Variants in CFAP61 observed in about 807,000 individuals in gnomAD.
CFAP61 encodes the protein cilia and flagella associated protein 61.
A neutral mutation model predicts 135.6 loss-of-function variants in CFAP61; 107 were observed. The observed-to-expected ratio is 0.79, with a 90% confidence interval of 0.67 to 0.93. The LOEUF is 0.93. Among genes scored for constraint, CFAP61 ranks in the 40% least tolerant of loss-of-function variants. The pLI, the probability that CFAP61 is intolerant of heterozygous loss-of-function variation, is 0.00. For synonymous variants in CFAP61, 575 were observed against 578.5 expected (o/e 0.99, Z 0.09); for missense variants, 1,507 against 1,556.2 (o/e 0.97, Z 0.53).
intron 26 of CFAP61, among the ~76,000 whole-genome samples, chr20:20,350,301 T>C (rs2058785581): frequency 1.3e-5 from 2 of 152,282 alleles, no homozygotes; most frequent in Admixed American, 6.5e-5. Flanking sequence ...AGAATTACCA[T>C]ATGACTCAGC....
chr20:20,356,390 G>A (rs1179040481), intron 26 of CFAP61, among the ~76,000 whole-genome samples: 3 of 144,516 alleles, frequency 2.1e-5, no homozygotes, highest in African/African-American at 7.9e-5. Flanking sequence ...GGTGGTCATA[G>A]TGTGAGGGGA....
chr20:20,248,703 G>A (rs749652535), intron 19 of CFAP61, among the ~76,000 whole-genome samples: 5 of 152,070 alleles, frequency 3.3e-5, no homozygotes, highest in Admixed American at 3.3e-4. Context: ...TTTCCAGCTC[G>A]GAAGAGTCAT....
chr20:20,149,395 T>C (rs1180331076), intron 9 of CFAP61, among the ~76,000 whole-genome samples: 2 of 152,184 alleles, frequency 1.3e-5, no homozygotes, highest in Non-Finnish European at 2.9e-5. Flanking sequence ...AAACAGCATG[T>C]GGAGATTCAC....
At chr20:20,098,844 G>C in intron 8 of CFAP61, 30 bp downstream of exon 8, 1 of 1,592,108 alleles carries the variant, frequency 6.3e-7, no homozygotes, top group Non-Finnish European at 8.6e-7. Context: ...GACACACTGG[G>C]AAATTAAATC....
At chr20:20,199,727 C>G in intron 16 of CFAP61, 41 bp from the exon 17 acceptor site, 2 of 1,611,802 alleles carry the variant, frequency 1.2e-6, no homozygotes, top group East Asian at 4.5e-5. Flanking sequence ...CTGAGCCTCT[C>G]TGACATTCTC....
intron 25 of CFAP61, among the ~76,000 whole-genome samples, chr20:20,303,923 C>G (rs914625900): frequency 6.6e-6 from 1 of 152,304 alleles, no homozygotes; most frequent in East Asian, 1.9e-4. Flanking sequence ...TTCCCCCTAT[C>G]TATTCTCACT....
Position 20,288,658 on chromosome 20 carries a change from C to G in CFAP61, c.2846C>G (p.Ala949Gly). Residue 949 changes from alanine to glycine, a missense_variant, in exon 23 of 27, where the codon GCC becomes GGC. Physicochemically the swap from Ala to Gly is moderately conservative, Grantham distance 60 (BLOSUM62 0). Coordinates refer to ENST00000245957, the MANE Select transcript of CFAP61 (RefSeq NM_015585.4). ...AATGTGGATTATGAAACGTTTAAAG[C>G]CCTCAATGATGCATGTCTTGTGTAT... is the stretch of plus-strand genomic sequence containing the variant. ...EKNVDYETFK[A>G]LNDACLVYDS... 1 of 1,614,054 alleles carries G rather than the reference C, an allele frequency of 6.2e-7. No individual in the cohort carries two copies. Among genetic ancestry groups the G allele is most frequent in the Non-Finnish European group, 8.5e-7 (1 of 1,179,920 alleles).
chr20:20,094,138 A>G (rs549994599), intron 7 of CFAP61, among the ~76,000 whole-genome samples: 1 of 152,378 alleles, frequency 6.6e-6, no homozygotes, highest in East Asian at 1.9e-4. Context: ...CCTGGAAATT[A>G]GATTCTGAAG....
chr20:20,121,494 ATTTT>A lies in CFAP61; in HGVS notation c.860-21361_860-21358del, dbSNP rs1475529354. ...AAGGATTTTATTTTTAGTTTTTAAAATTTTTAAATATATTTTTGGAGACAGGGTC... is the reference window on the plus strand; with the variant it reads ...AAGGATTTTATTTTTAGTTTTTAAAATAAATATATTTTTGGAGACAGGGTC... On this transcript the variant is annotated intron_variant, in intron 8 of 26. Transcript: ENST00000245957. Among the ~76,000 whole-genome samples the A allele has an allele frequency of 4.0e-5, 6 of 149,086 alleles. No homozygotes were observed. The East Asian group carries it at 1.2e-3, about 30-fold the overall frequency.
At chr20:20,085,642 A>C (rs1215782210) in intron 6 of CFAP61, 1 of 597,276 alleles carries the variant, frequency 1.7e-6, no homozygotes, top group African/African-American at 1.9e-5. Context: ...GCTACAGAGT[A>C]ATATTTCTGT....
intron 8 of CFAP61, among the ~76,000 whole-genome samples, chr20:20,142,655 C>A (rs190378721): frequency 1.4e-3 from 208 of 152,290 alleles, no homozygotes; most frequent in Non-Finnish European, 1.9e-3. Flanking sequence ...GAGGGAGGAA[C>A]TAGCCCAGAA....
chr20:20,251,670 C>G lies in CFAP61; in HGVS notation c.2235C>G (p.Thr745=). The change falls in exon 20 of 27, where the codon ACC becomes ACG. Residue 745 remains threonine (T), a synonymous_variant. Coordinates refer to ENST00000245957, the MANE Select transcript of CFAP61 (RefSeq NM_015585.4). ...TTAATGTCGTGGTGGGTAGAATGAC[C>G]GGCATAGACCGAGCAGCCAAGCACG... ...SWVNVVVGRM[T]GIDRAAKHVV... 1 of 1,614,186 alleles carries G rather than the reference C, an allele frequency of 6.2e-7. No individual in the cohort carries two copies. The highest frequency in any genetic ancestry group is 8.5e-7 in the Non-Finnish European group (1 of 1,180,022).
chr20:20,314,950 G>T (rs2057043982), intron 25 of CFAP61, among the ~76,000 whole-genome samples: 1 of 123,158 alleles, frequency 8.1e-6, no homozygotes, highest in Non-Finnish European at 1.7e-5. Context: ...TGGACATTTG[G>T]GTTGGTTCCA....
intron 14 of CFAP61, among the ~76,000 whole-genome samples, chr20:20,189,568 G>A (rs771013543): frequency 6.6e-6 from 1 of 150,514 alleles, no homozygotes; most frequent in Non-Finnish European, 1.5e-5. Context: ...ACGTCCTAGT[G>A]GTCCTGGTGT....
intron 12 of CFAP61, 66 bp from the exon 13 acceptor site, chr20:20,169,255 G>T: frequency 6.9e-7 from 1 of 1,455,034 alleles, no homozygotes; most frequent in Non-Finnish European, 9.4e-7. Context: ...GTGTTTTTTA[G>T]AGGAATTTGT....
chr20:20,360,687 T>G lies in CFAP61; in HGVS notation c.*277T>G. ...CCATTTCAGCAATAAAATGAGATCA[T>G]AGTGTGTAAAACTTGTTTTTACCTT... On this transcript the variant is annotated 3_prime_UTR_variant, in exon 27 of 27. Transcript: ENST00000245957. 2.2e-6 allele frequency: 1 copy of G among 451,450 alleles called. No individual in the cohort carries two copies. 28.0% of individuals were successfully genotyped at this position (451,450 alleles called of 1,614,324 possible).
chr20:20,248,178 A>G (rs1301999804), intron 19 of CFAP61, among the ~76,000 whole-genome samples: 1 of 152,192 alleles, frequency 6.6e-6, no homozygotes, highest in East Asian at 1.9e-4. Context: ...AACTCCTCTC[A>G]AGCAAGTGTT....
chr20:20,226,435 A>G (rs1436058672), intron 17 of CFAP61, among the ~76,000 whole-genome samples: 1 of 152,216 alleles, frequency 6.6e-6, no homozygotes, highest in Non-Finnish European at 1.5e-5. Context: ...CTAGAATTGC[A>G]TGAGCCAGAA....
intron 17 of CFAP61, among the ~76,000 whole-genome samples, chr20:20,226,811 G>C (rs2048767614): frequency 6.6e-6 from 1 of 152,162 alleles, no homozygotes. Flanking sequence ...AAAGAGAGTG[G>C]GAGTATGCCA....
Sources: allele counts gnomAD v4.1 joint callset (sites outside exome capture counted in the v4.1 genomes callset), GRCh38; gene constraint gnomAD v4.1.1; transcripts MANE v1.5; gene names NCBI Gene and HGNC (gene_info 2026-07-23, HGNC 2026-07-21).